The following ADAM23 variants were observed in gnomAD, a reference collection of about 807,000 sequenced individuals.
ADAM23 encodes disintegrin and metalloproteinase domain-containing protein 23.
A neutral mutation model predicts 120.1 loss-of-function variants in ADAM23; 33 were observed. The ratio of observed to expected loss-of-function variants is 0.27; its 90% CI spans 0.21 to 0.37. The LOEUF (loss-of-function observed/expected upper bound fraction) is 0.37. Among genes scored for constraint, ADAM23 ranks in the 10% least tolerant of loss-of-function variants. The probability of loss-of-function intolerance (pLI) is 1.00; values close to 1 mark genes in which losing one functional copy is unlikely to be tolerated. For missense variants in ADAM23, 862 were observed against 1,058.2 expected, an observed-to-expected ratio of 0.81 and a Z score of 2.57; for synonymous variants, 367 against 375.2, an observed-to-expected ratio of 0.98 and a Z score of 0.25.
At chr2:206,559,675 T>A (rs1697719023) in intron 10 of ADAM23, among the ~76,000 whole-genome samples, 1 of 152,198 alleles carries the variant, frequency 6.6e-6, no homozygotes, top group Non-Finnish European at 1.5e-5. Flanking sequence ...ATTTATGCCC[T>A]GGCTTTGGAA....
At chr2:206,480,125 A>G (rs372558573) in intron 2 of ADAM23, among the ~76,000 whole-genome samples, 3 of 152,172 alleles carry the variant, frequency 2.0e-5, no homozygotes, top group Admixed American at 6.5e-5. Context: ...GGGAAGCACA[A>G]ATAAAGTGCT....
chr2:206,523,060 C>T (rs1318265685), intron 3 of ADAM23, among the ~76,000 whole-genome samples: 1 of 152,150 alleles, frequency 6.6e-6, no homozygotes, highest in African/African-American at 2.4e-5. Context: ...GGCTTTTAGG[C>T]TGATCAAGCC....
rs150418608 is a variant in ADAM23 at position 206,522,159 on chromosome 2, C to A, written c.510-8726C>A. Among the ~76,000 whole-genome samples the A allele has an allele frequency of 3.4e-3, 517 of 151,356 alleles. 3 individuals carry two copies. Among genetic ancestry groups the A allele is most frequent in the African/African-American group, 0.012 (484 of 41,308 alleles). On this transcript the variant is annotated intron_variant, in intron 3 of 25. Transcript: ENST00000264377. ...TGTATGTATATTCATATATATATAT[C>A]TCTGTGTACATTATACATATATAAA...
chr2:206,478,677 A>C (rs1252476559), intron 2 of ADAM23, among the ~76,000 whole-genome samples: 1 of 152,174 alleles, frequency 6.6e-6, no homozygotes, highest in Non-Finnish European at 1.5e-5. Flanking sequence ...GCCAGTCTCC[A>C]TCCCACCTTT....
chr2:206,579,915 T>A (rs1698189521), intron 18 of ADAM23, among the ~76,000 whole-genome samples: 1 of 152,022 alleles, frequency 6.6e-6, no homozygotes, highest in Non-Finnish European at 1.5e-5. Flanking sequence ...AGCAGTGTTT[T>A]AGTATAGAGG....
In ADAM23 at chr2:206,588,162, G is replaced by T; in HGVS notation, c.1852+8G>T. ...AGTACATCTGGGGAACAAGTAGGTC[G>T]CACCTCCTTGCTTGGCGGTTACACA... On this transcript the variant is annotated splice_region_variant and intron_variant, in intron 20 of 25. Transcript: ENST00000264377. 1 of 1,613,600 alleles carries T rather than the reference G, an allele frequency of 6.2e-7. No individual in the cohort carries two copies. Among genetic ancestry groups the T allele is most frequent in the African/African-American group, 1.3e-5 (1 of 74,988 alleles).
chr2:206,605,014 G>C (rs760502571), intron 24 of ADAM23, among the ~76,000 whole-genome samples: 2 of 152,174 alleles, frequency 1.3e-5, no homozygotes, highest in Non-Finnish European at 2.9e-5. Context: ...CTTTGTAGCG[G>C]GAACCTTGGG....
At chr2:206,478,711 A>G (rs772240629) in intron 2 of ADAM23, among the ~76,000 whole-genome samples, 4 of 152,212 alleles carry the variant, frequency 2.6e-5, no homozygotes, top group Non-Finnish European at 4.4e-5. Context: ...TTGACATTTC[A>G]TCTGAAAACC....
chr2:206,455,099 A>G (rs1439231425), intron 2 of ADAM23, among the ~76,000 whole-genome samples: 1 of 152,256 alleles, frequency 6.6e-6, no homozygotes, highest in Non-Finnish European at 1.5e-5. Context: ...GAGGTTCTCC[A>G]TGGGGGCTCT....
intron 3 of ADAM23, 145 bp downstream of exon 3, chr2:206,481,453 ATGG>A (rs553419834): frequency 2.2e-4 from 115 of 518,474 alleles, no homozygotes; most frequent in African/African-American, 2.1e-3. Context: ...AAAATTCTGA[ATGG>A]TGAATTATAT....
chr2:206,592,484 A>G lies in ADAM23; in HGVS notation c.1959-133A>G, dbSNP rs1387052815. The G allele has an allele frequency of 3.4e-6, 4 of 1,167,084 alleles. No individual in the cohort carries two copies. The Admixed American group carries it at 8.8e-5, about 26-fold the overall frequency. The allele number at this position is 1,167,084 out of a possible 1,614,324, so 72.3% of individuals were successfully genotyped here. On this transcript the variant is annotated intron_variant, in intron 21 of 25. Transcript: ENST00000264377. ...GAGGAGGTTATCACCTACCAATGAT[A>G]TATGATCAAATGTTTTTGTTTAGAA...
intron 8 of ADAM23, among the ~76,000 whole-genome samples, chr2:206,549,124 T>C (rs775878762): frequency 8.6e-5 from 13 of 151,990 alleles, no homozygotes; most frequent in Non-Finnish European, 1.8e-4. Flanking sequence ...GTAACTATAG[T>C]AGAAATTGCA....
chr2:206,608,148 T>C (rs1698763892), intron 24 of ADAM23: 2 of 291,764 alleles, frequency 6.9e-6, no homozygotes, highest in South Asian at 6.3e-5. Flanking sequence ...AGATGGTAAA[T>C]AGTTTTAGCT....
intron 2 of ADAM23, among the ~76,000 whole-genome samples, chr2:206,465,010 C>T (rs1397817576): frequency 6.6e-6 from 1 of 151,944 alleles, no homozygotes; most frequent in African/African-American, 2.4e-5. Flanking sequence ...AACCAGCCAG[C>T]TTAGTTTTTT....
At chr2:206,521,561 A>C (rs1696842751) in intron 3 of ADAM23, among the ~76,000 whole-genome samples, 1 of 152,212 alleles carries the variant, frequency 6.6e-6, no homozygotes, top group South Asian at 2.1e-4. Context: ...AAAGTTCTGC[A>C]GGAAACAGTA....
intron 25 of ADAM23, among the ~76,000 whole-genome samples, chr2:206,617,153 G>C (rs990575071): frequency 1.3e-5 from 2 of 152,144 alleles, no homozygotes; most frequent in Non-Finnish European, 2.9e-5. Flanking sequence ...CTATAGAACT[G>C]CTATAAGCCT....
chr2:206,497,151 A>G (rs1696270395), intron 3 of ADAM23, among the ~76,000 whole-genome samples: 1 of 152,264 alleles, frequency 6.6e-6, no homozygotes, highest in Non-Finnish European at 1.5e-5. Flanking sequence ...AACTCATTTT[A>G]TGAGGCCAGC....
chr2:206,485,207 G>C (rs1255798258), intron 3 of ADAM23, among the ~76,000 whole-genome samples: 3 of 152,156 alleles, frequency 2.0e-5, no homozygotes, highest in African/African-American at 7.2e-5. Context: ...ATGTGTTGCT[G>C]GGGGTGGGCT....
At chr2:206,564,400 T>C (rs1697836747) in intron 13 of ADAM23, among the ~76,000 whole-genome samples, 1 of 152,226 alleles carries the variant, frequency 6.6e-6, no homozygotes, top group South Asian at 2.1e-4. Context: ...AGCATAGTGT[T>C]CATTCAAGTC....
Sources: gnomAD v4.1 joint callset for allele counts (sites outside exome capture counted in the v4.1 genomes callset) on GRCh38, gnomAD v4.1.1 for gene constraint, MANE v1.5 for transcripts, NCBI Gene and HGNC (gene_info 2026-07-23, HGNC 2026-07-21) for gene names.